The following RASGRF1 variants were observed in gnomAD, a reference collection of about 807,000 sequenced individuals.
RASGRF1 encodes the protein Ras protein specific guanine nucleotide releasing factor 1, also known as ras-specific guanine nucleotide-releasing factor 1.
RASGRF1 carries 40 observed loss-of-function variants against 138.7 expected under a neutral mutation model. That is an observed-to-expected ratio of 0.29 (90% CI 0.22 to 0.38). The LOEUF (loss-of-function observed/expected upper bound fraction) is 0.38. Among genes scored for constraint, RASGRF1 ranks in the 10% least tolerant of loss-of-function variants. The pLI is 1.00. For missense variants in RASGRF1, 1,108 were observed against 1,650.4 expected, an observed-to-expected ratio of 0.67 and a Z score of 5.69; for synonymous variants, 614 against 663.2, an observed-to-expected ratio of 0.93 and a Z score of 1.14.
intron 20 of RASGRF1, among the ~76,000 whole-genome samples, chr15:78,992,198 G>A (rs1185577587): frequency 6.6e-6 from 1 of 152,240 alleles, no homozygotes; most frequent in Non-Finnish European, 1.5e-5. Flanking sequence ...TCCCTTCAGC[G>A]TCCGCCTGAG....
At position 79,009,970 on chromosome 15, in the gene RASGRF1, A is replaced by G. The variant is rs1595898795; in HGVS notation, c.1827-3536T>C. ...GAACTCCTGACCTTGTGATCTGCCC[A>G]CCTTGGCCTCCCAAAGTGCTGGGAT... On this transcript the variant is annotated intron_variant, in intron 13 of 26. Coordinates refer to ENST00000558480, the MANE Select transcript of RASGRF1 (RefSeq NM_001145648.3). Among the ~76,000 whole-genome samples the G allele has an allele frequency of 2.1e-5, 3 of 146,322 alleles. No individual in the cohort carries two copies. The South Asian group carries it at 6.5e-4, about 32-fold the overall frequency.
Position 79,027,700 on chromosome 15 carries a change from C to A in RASGRF1, c.1381+41G>T, listed in dbSNP as rs2057079678. The A allele has an allele frequency of 1.9e-6, 3 of 1,589,330 alleles. No homozygotes were observed. Among genetic ancestry groups the A allele is most frequent in the African/African-American group, 1.3e-5 (1 of 74,400 alleles). ...CCGCCTCCCTCCCGCTGCTGGGGCC[C>A]ACCTGGTGGGGGCAGGGGAGACAGG... On this transcript the variant is annotated intron_variant, in intron 9 of 26. Coordinates refer to ENST00000558480, the MANE Select transcript of RASGRF1 (RefSeq NM_001145648.3). The surrounding 1 kb of genome is among the most constrained non-coding windows in gnomAD (Gnocchi z 4.8).
intron 1 of RASGRF1, among the ~76,000 whole-genome samples, chr15:79,089,816 T>C (rs138466994): frequency 2.6e-5 from 4 of 152,330 alleles, no homozygotes; most frequent in African/African-American, 9.6e-5. Flanking sequence ...GTTCCCGGTG[T>C]AGAACAGACG....
chr15:79,008,485 G>C (rs1000786767), intron 13 of RASGRF1, among the ~76,000 whole-genome samples: 12 of 152,224 alleles, frequency 7.9e-5, no homozygotes, highest in African/African-American at 2.9e-4. Flanking sequence ...TTTCCACCAA[G>C]ATTCAGGAAA....
At chr15:78,968,891 C>G (rs541828040) in intron 26 of RASGRF1, among the ~76,000 whole-genome samples, 3 of 152,142 alleles carry the variant, frequency 2.0e-5, no homozygotes, top group African/African-American at 7.2e-5. Context: ...CCCTGATACC[C>G]GAAGTCTTTG....
chr15:79,020,603 G>T (rs1446761495), intron 10 of RASGRF1, among the ~76,000 whole-genome samples: 1 of 152,250 alleles, frequency 6.6e-6, no homozygotes, highest in Non-Finnish European at 1.5e-5. Flanking sequence ...CCGCTGGCAA[G>T]TTAGCAGTGA....
chr15:79,059,430 T>A, intron 2 of RASGRF1, among the ~76,000 whole-genome samples: 1 of 143,070 alleles, frequency 7.0e-6, no homozygotes, highest in East Asian at 2.2e-4. Flanking sequence ...TTCCCTATCC[T>A]CCCTTATCCT....
rs1340877780 is a variant in RASGRF1 at position 79,032,328 on chromosome 15, A to G, written c.959-12T>C. The G allele has an allele frequency of 1.2e-6, 2 of 1,613,362 alleles. No individual in the cohort carries two copies. The highest frequency in any genetic ancestry group is 1.7e-6 in the Non-Finnish European group (2 of 1,179,568). On this transcript the variant is annotated splice_polypyrimidine_tract_variant and intron_variant, in intron 6 of 26. Coordinates refer to ENST00000558480, the MANE Select transcript of RASGRF1 (RefSeq NM_001145648.3). The surrounding 1 kb of genome is among the most constrained non-coding windows in gnomAD (Gnocchi z 4.5). ...GTCAAATAGGTCAGCTGGAAGGACG[A>G]GGCAGTCAGCGGGTGGCTAGGGCAG... is the stretch of plus-strand genomic sequence containing the variant.
At chr15:78,971,476 G>C (rs755700033) in intron 26 of RASGRF1, among the ~76,000 whole-genome samples, 53 of 152,308 alleles carry the variant, frequency 3.5e-4, no homozygotes, top group Non-Finnish European at 6.5e-4. Flanking sequence ...CACAAGAAAC[G>C]GGCGGAAATG....
intron 1 of RASGRF1, 158 bp from the exon 2 acceptor site, chr15:79,064,684 T>C: frequency 1.5e-6 from 1 of 687,612 alleles, no homozygotes; most frequent in Non-Finnish European, 2.5e-6. Flanking sequence ...TATTTAGCAG[T>C]TTCCAGTTCT....
At chr15:79,018,843 G>A (rs2056917879) in intron 11 of RASGRF1, among the ~76,000 whole-genome samples, 1 of 152,132 alleles carries the variant, frequency 6.6e-6, no homozygotes, top group African/African-American at 2.4e-5. Context: ...GGGCCTAGGA[G>A]GGTAAAGAGT....
chr15:79,027,605 G>T lies in RASGRF1; in HGVS notation c.1381+136C>A. 1 of 707,632 alleles carries T rather than the reference G, an allele frequency of 1.4e-6. No homozygotes were observed. Among genetic ancestry groups the T allele is most frequent in the Non-Finnish European group, 2.5e-6 (1 of 407,414 alleles). 43.8% of individuals were successfully genotyped at this position (707,632 alleles called of 1,614,324 possible). On this transcript the variant is annotated intron_variant, in intron 9 of 26. Coordinates refer to ENST00000558480, the MANE Select transcript of RASGRF1 (RefSeq NM_001145648.3). This position sits in a 1 kb window ranked among gnomAD's most constrained non-coding sequence, Gnocchi z 4.8. ...CTGTTGCATTCCGCCAGCAGCCTGG[G>T]AATATTCTGCAATCACATTGGCAGG... is the stretch of plus-strand genomic sequence containing the variant.
At chr15:78,980,376 C>T in intron 24 of RASGRF1, 1 of 377,574 alleles carries the variant, frequency 2.6e-6, no homozygotes, top group Non-Finnish European at 4.8e-6. Flanking sequence ...AGCTACTATG[C>T]TTTCAGGGAT....
chr15:79,051,627 T>G (rs1010650028), intron 3 of RASGRF1, among the ~76,000 whole-genome samples: 5 of 152,276 alleles, frequency 3.3e-5, no homozygotes, highest in Middle Eastern at 3.4e-3. Context: ...GTGCTGGGCT[T>G]GGGGAAGTGG....
In RASGRF1 at chr15:79,040,461, A is replaced by G. The variant is rs150753233; in HGVS notation, c.879-5251T>C. On this transcript the variant is annotated intron_variant, in intron 5 of 26. Coordinates refer to ENST00000558480, the MANE Select transcript of RASGRF1 (RefSeq NM_001145648.3). ...GAGTGGCCTTAACTTGGCCTTCAACACCCTGTAGGAACTGCCTCTGTCTGT... is the reference window on the plus strand; with the variant it reads ...GAGTGGCCTTAACTTGGCCTTCAACGCCCTGTAGGAACTGCCTCTGTCTGT... 7.3e-3 allele frequency among the ~76,000 whole-genome samples: 1,106 copies of G among 151,816 alleles called. 7 individuals carry two copies. Among genetic ancestry groups the G allele is most frequent in the Non-Finnish European group, 0.01 (702 of 67,974 alleles).
In RASGRF1 at chr15:78,973,229, G is replaced by C. The variant is rs1408972560; in HGVS notation, c.3612+74C>G. 4.8e-6 allele frequency: 6 copies of C among 1,256,572 alleles called. No individual in the cohort carries two copies. Among genetic ancestry groups the C allele is most frequent in the Non-Finnish European group, 6.7e-6 (6 of 890,348 alleles). 77.8% of individuals were successfully genotyped at this position (1,256,572 alleles called of 1,614,324 possible). A position where few individuals can be genotyped will look rare whatever the true frequency, so the allele number is the denominator to read the frequency against. ...AGCAGGTTGGGCCTTGGGGGGCAGA[G>C]TGTGGGTGGGCCCCAGGTTGAGTCA... On this transcript the variant is annotated intron_variant, in intron 25 of 26. Transcript: ENST00000558480. This position sits in a 1 kb window ranked among gnomAD's most constrained non-coding sequence, Gnocchi z 4.9.
At chr15:79,023,976 CACAA>C (rs1444784356) in intron 10 of RASGRF1, among the ~76,000 whole-genome samples, 1 of 151,504 alleles carries the variant, frequency 6.6e-6, no homozygotes, top group Non-Finnish European at 1.5e-5. Context: ...CACACAGACA[CACAA>C]ACACATATCT....
chr15:79,004,036 G>A lies in RASGRF1; in HGVS notation c.2215C>T (p.Arg739Trp). Reference sequence around the variant, plus strand: ...ATGGGGATGTTCAGGGAGAGCTTCCGCCGGCGGCTCGGTGACGATGTCTTG... The same window carrying A: ...ATGGGGATGTTCAGGGAGAGCTTCCACCGGCGGCTCGGTGACGATGTCTTG... ...ITKTSSPSRRRKLSLNIPIIT... is the reference protein window; with the variant it reads ...ITKTSSPSRRWKLSLNIPIIT... The change falls in exon 15 of 27, where the codon CGG becomes TGG. Residue 739 changes from arginine (R) to tryptophan (W), a missense_variant. Coordinates refer to ENST00000558480, the MANE Select transcript of RASGRF1 (RefSeq NM_001145648.3). The A allele has an allele frequency of 6.2e-7, 1 of 1,614,160 alleles. No individual in the cohort carries two copies. Among genetic ancestry groups the A allele is most frequent in the Non-Finnish European group, 8.5e-7 (1 of 1,180,022 alleles).
chr15:79,066,329 C>T (rs955585732), intron 1 of RASGRF1, among the ~76,000 whole-genome samples: 1 of 152,212 alleles, frequency 6.6e-6, no homozygotes. Context: ...CACACCTGCA[C>T]TGGGCAACTG....
Sources: allele counts gnomAD v4.1 joint callset (sites outside exome capture counted in the v4.1 genomes callset), GRCh38; gene constraint gnomAD v4.1.1; non-coding constraint Gnocchi (gnomAD v3.1); transcripts MANE v1.5; gene names NCBI Gene and HGNC (gene_info 2026-07-23, HGNC 2026-07-21).